Variants in SNTB1 observed in about 807,000 individuals in gnomAD.
SNTB1 encodes the protein beta-1-syntrophin.
Under a neutral mutation model 48.9 loss-of-function variants are expected in SNTB1, and 36 were observed. The observed-to-expected ratio is 0.74, with a 90% CI of 0.56 to 0.97. The LOEUF (loss-of-function observed/expected upper bound fraction) is 0.97. SNTB1 is among the 50% of genes least tolerant of loss of function. The pLI is 0.00. For synonymous variants in SNTB1, 299 were observed against 294.6 expected, an observed-to-expected ratio of 1.01 and a Z score of -0.15; for missense variants, 786 against 703.4, an observed-to-expected ratio of 1.12 and a Z score of -1.33.
intron 2 of SNTB1, among the ~76,000 whole-genome samples, chr8:120,673,890 C>T (rs939237042): frequency 6.6e-6 from 1 of 152,044 alleles, no homozygotes; most frequent in African/African-American, 2.4e-5. Context: ...AGTAGGGAGT[C>T]GACCTAAGAT....
intron 1 of SNTB1, among the ~76,000 whole-genome samples, chr8:120,805,807 T>C (rs181998932): frequency 2.6e-5 from 4 of 152,312 alleles, no homozygotes; most frequent in Admixed American, 6.5e-5. Context: ...AATCAACAAA[T>C]TGGGGATAAG....
intron 6 of SNTB1, among the ~76,000 whole-genome samples, chr8:120,540,586 ATAGTCT>A (rs1162133767): frequency 1.3e-5 from 2 of 152,222 alleles, no homozygotes; most frequent in African/African-American, 2.4e-5. Flanking sequence ...TGAATTAGAA[ATAGTCT>A]TAGTAAAATG....
chr8:120,560,633 A>T (rs1815637293), intron 4 of SNTB1, among the ~76,000 whole-genome samples: 2 of 152,190 alleles, frequency 1.3e-5, no homozygotes, highest in African/African-American at 4.8e-5. Flanking sequence ...AAGCAGCAAA[A>T]CAGCTTGGAG....
chr8:120,801,731 A>G (rs77500473), intron 1 of SNTB1, among the ~76,000 whole-genome samples: 1,556 of 152,276 alleles, frequency 0.01, 30 homozygotes, highest in African/African-American at 0.035. Flanking sequence ...TTGGATGGAC[A>G]TAGAGTTCTT....
At chr8:120,636,138 G>T (rs1181783840) in intron 2 of SNTB1, 3 of 211,718 alleles carry the variant, frequency 1.4e-5, no homozygotes, top group Non-Finnish European at 2.7e-5. Context: ...GTCTGGTGGG[G>T]TCCTTCTTGC....
intron 3 of SNTB1, among the ~76,000 whole-genome samples, chr8:120,628,024 G>T (rs932871785): frequency 6.6e-6 from 1 of 152,150 alleles, no homozygotes; most frequent in Admixed American, 6.6e-5. Context: ...CCATGGGGAG[G>T]CACAACTACA....
chr8:120,763,929 G>A (rs1819471183), intron 1 of SNTB1, among the ~76,000 whole-genome samples: 1 of 152,124 alleles, frequency 6.6e-6, no homozygotes, highest in Admixed American at 6.6e-5. Flanking sequence ...AGAAGACCAA[G>A]TGTTTGGTCA....
chr8:120,777,298 C>T (rs978938682), intron 1 of SNTB1, among the ~76,000 whole-genome samples: 2 of 152,186 alleles, frequency 1.3e-5, no homozygotes, highest in South Asian at 4.1e-4. Context: ...CTTGACACTA[C>T]AAGTATCTGT....
chr8:120,748,957 T>C (rs1304941551), intron 1 of SNTB1, among the ~76,000 whole-genome samples: 2 of 152,358 alleles, frequency 1.3e-5, no homozygotes, highest in East Asian at 3.9e-4. Context: ...CTTGTAGTGA[T>C]TTTTGTTATT....
chr8:120,723,174 A>C (rs999459948), intron 1 of SNTB1, among the ~76,000 whole-genome samples: 2 of 152,192 alleles, frequency 1.3e-5, no homozygotes, highest in African/African-American at 2.4e-5. Context: ...CAATCTGATT[A>C]TCTAATCACA....
At chr8:120,808,600 C>A (rs1820376273) in intron 1 of SNTB1, among the ~76,000 whole-genome samples, 1 of 152,208 alleles carries the variant, frequency 6.6e-6, no homozygotes, top group Admixed American at 6.5e-5. Context: ...TCATTGTGTT[C>A]TTCCATACAG....
At chr8:120,654,039 CAAAAAAAAAAAAAAA>C (rs58873007) in intron 2 of SNTB1, among the ~76,000 whole-genome samples, 9 of 25,176 alleles carry the variant, frequency 3.6e-4, no homozygotes, top group Middle Eastern at 0.056. Flanking sequence ...GACTCTGCCT[CAAAAAAAAAAAAAAA>C]AAAAAAAAAA....
At chr8:120,569,818 A>C (rs1284886122) in intron 4 of SNTB1, among the ~76,000 whole-genome samples, 1 of 152,104 alleles carries the variant, frequency 6.6e-6, no homozygotes, top group Non-Finnish European at 1.5e-5. Flanking sequence ...CTGAATTGTT[A>C]ATTTCACTTA....
intron 1 of SNTB1, among the ~76,000 whole-genome samples, chr8:120,753,384 T>C (rs1297057651): frequency 1.3e-5 from 2 of 152,162 alleles, no homozygotes; most frequent in African/African-American, 4.8e-5. Flanking sequence ...CCTCCCAGAC[T>C]TGTAACCCCA....
At chr8:120,740,995 G>C (rs1481620516) in intron 1 of SNTB1, among the ~76,000 whole-genome samples, 2 of 152,196 alleles carry the variant, frequency 1.3e-5, no homozygotes, top group East Asian at 3.8e-4. Context: ...GGTTGAGCAA[G>C]GATTTGATCC....
intron 1 of SNTB1, among the ~76,000 whole-genome samples, chr8:120,694,627 G>A (rs9643148): frequency 0.26 from 39,090 of 151,116 alleles, 5,502 homozygotes; most frequent in Middle Eastern, 0.37. Context: ...ATGTGTTGAT[G>A]TGGAAAGACC....
intron 3 of SNTB1, among the ~76,000 whole-genome samples, chr8:120,628,947 C>T (rs990017323): frequency 6.6e-6 from 1 of 152,080 alleles, no homozygotes; most frequent in Non-Finnish European, 1.5e-5. Context: ...TTGCTTGAGT[C>T]CAGGAGTTCC....
intron 2 of SNTB1, among the ~76,000 whole-genome samples, chr8:120,647,365 G>T (rs1817316145): frequency 6.7e-6 from 1 of 150,064 alleles, no homozygotes; most frequent in African/African-American, 2.5e-5. Context: ...GGTATGTTTT[G>T]TCTTTGTTCT....
chr8:120,596,025 T>C (rs1229392039), intron 3 of SNTB1, among the ~76,000 whole-genome samples: 3 of 152,184 alleles, frequency 2.0e-5, no homozygotes, highest in African/African-American at 7.2e-5. Flanking sequence ...ATGCATGTGT[T>C]TCTGTGTGTG....
Sources: allele counts gnomAD v4.1 joint callset (sites outside exome capture counted in the v4.1 genomes callset), GRCh38; gene constraint gnomAD v4.1.1; transcripts MANE v1.5; gene names NCBI Gene and HGNC (gene_info 2026-07-23, HGNC 2026-07-21).